Variants in AMPH observed in about 807,000 individuals in gnomAD.
AMPH encodes the protein amphiphysin.
A neutral mutation model predicts 99.1 loss-of-function variants in AMPH; 49 were observed. That is an observed-to-expected ratio of 0.49 (90% CI 0.39 to 0.63). The LOEUF is 0.63. Ranked by LOEUF, AMPH falls within the 20% of genes least tolerant of loss-of-function variation. The probability of loss-of-function intolerance (pLI) is 0.00; values close to 1 mark genes in which losing one functional copy is unlikely to be tolerated. For synonymous variants in AMPH, 314 were observed against 317.3 expected, an observed-to-expected ratio of 0.99 and a Z score of 0.11; for missense variants, 759 against 863.4, an observed-to-expected ratio of 0.88 and a Z score of 1.52.
At chr7:38,605,232 G>A (rs1394678004) in intron 1 of AMPH, among the ~76,000 whole-genome samples, 2 of 152,092 alleles carry the variant, frequency 1.3e-5, no homozygotes. Flanking sequence ...AGGGGACGAG[G>A]GGAACATGGG....
At chr7:38,474,790 A>G (rs970592252) in intron 7 of AMPH, among the ~76,000 whole-genome samples, 4 of 152,200 alleles carry the variant, frequency 2.6e-5, no homozygotes, top group African/African-American at 9.7e-5. Context: ...TTCCACGAGA[A>G]ATGCAGAGTA....
At chr7:38,525,261 T>TAC (rs1344286428) in intron 2 of AMPH, among the ~76,000 whole-genome samples, 1 of 78,336 alleles carries the variant, frequency 1.3e-5, no homozygotes, top group East Asian at 2.9e-4. Context: ...TGTGTGTGTA[T>TAC]ATATATATAT....
intron 11 of AMPH, among the ~76,000 whole-genome samples, chr7:38,449,620 G>T (rs1301736264): frequency 6.6e-6 from 1 of 152,182 alleles, no homozygotes; most frequent in Non-Finnish European, 1.5e-5. Context: ...GGTTACTCCT[G>T]CTCAAGGAAT....
At chr7:38,609,898 T>C (rs991844161) in intron 1 of AMPH, among the ~76,000 whole-genome samples, 1 of 151,930 alleles carries the variant, frequency 6.6e-6, no homozygotes, top group African/African-American at 2.4e-5. Context: ...ACTTACTCTG[T>C]TCAAAAACCA....
chr7:38,553,883 T>A (rs2129046750), intron 1 of AMPH, among the ~76,000 whole-genome samples: 1 of 152,316 alleles, frequency 6.6e-6, no homozygotes, highest in East Asian at 1.9e-4. Context: ...GACAGATCAT[T>A]TCCTGGTTTC....
intron 1 of AMPH, among the ~76,000 whole-genome samples, chr7:38,588,233 G>A (rs371808935): frequency 1.4e-4 from 22 of 152,156 alleles, no homozygotes; most frequent in East Asian, 3.9e-4. Context: ...GATTACAGGC[G>A]TGAGCTACCA....
At chr7:38,428,924 T>C (rs761905728) in intron 14 of AMPH, 3 of 1,008,152 alleles carry the variant, frequency 3.0e-6, no homozygotes, top group Non-Finnish European at 4.1e-6. Context: ...CATTAATTTT[T>C]AAGGTCTTAT....
chr7:38,502,583 T>G (rs899435759), intron 3 of AMPH, among the ~76,000 whole-genome samples: 7 of 152,146 alleles, frequency 4.6e-5, no homozygotes, highest in Admixed American at 2.6e-4. Flanking sequence ...AGGTAGAGGA[T>G]GCTAAGCAAA....
intron 1 of AMPH, among the ~76,000 whole-genome samples, chr7:38,598,743 G>C (rs17499304): frequency 0.3 from 45,914 of 151,916 alleles, 7,591 homozygotes; most frequent in Non-Finnish European, 0.39. Context: ...TCTTAGTTAT[G>C]TTTATTTTAT....
intron 2 of AMPH, among the ~76,000 whole-genome samples, chr7:38,520,535 A>C (rs989528307): frequency 6.6e-6 from 1 of 152,224 alleles, no homozygotes; most frequent in African/African-American, 2.4e-5. Context: ...AAAATGACTA[A>C]ACGTTGAGTC....
intron 11 of AMPH, among the ~76,000 whole-genome samples, chr7:38,447,972 G>C (rs2129001913): frequency 6.6e-6 from 1 of 152,252 alleles, no homozygotes; most frequent in East Asian, 1.9e-4. Context: ...AGGCAAAAGA[G>C]GTAGAGTAGG....
At chr7:38,565,134 A>G (rs1477254336) in intron 1 of AMPH, among the ~76,000 whole-genome samples, 1 of 151,998 alleles carries the variant, frequency 6.6e-6, no homozygotes, top group Non-Finnish European at 1.5e-5. Context: ...AAAAAAAAAA[A>G]AAAAAGAAAA....
chr7:38,459,045 T>A (rs1399373668), intron 11 of AMPH, among the ~76,000 whole-genome samples: 1 of 151,764 alleles, frequency 6.6e-6, no homozygotes, highest in African/African-American at 2.4e-5. Context: ...GTAAAAAAAA[T>A]CAACATACAA....
Position 38,461,428 on chromosome 7 carries a change from A to G in AMPH, c.889-17T>C. The G allele has an allele frequency of 1.2e-6, 2 of 1,613,892 alleles. No individual in the cohort carries two copies. Among genetic ancestry groups the G allele is most frequent in the Non-Finnish European group, 1.7e-6 (2 of 1,179,784 alleles). On this transcript the variant is annotated splice_polypyrimidine_tract_variant and intron_variant, in intron 10 of 20. Coordinates refer to ENST00000356264, the MANE Select transcript of AMPH (RefSeq NM_001635.4). ...TTTCCTTGTCTAGGAAGCATTAAATACAAACATTAATCCAGCCAAAGACAA... is the reference window on the plus strand; with the variant it reads ...TTTCCTTGTCTAGGAAGCATTAAATGCAAACATTAATCCAGCCAAAGACAA...
intron 1 of AMPH, among the ~76,000 whole-genome samples, chr7:38,552,473 G>C (rs1008296376): frequency 1.8e-4 from 27 of 152,148 alleles, no homozygotes; most frequent in Middle Eastern, 3.2e-3. Flanking sequence ...TAAGCAACAT[G>C]AACTAATAAT....
intron 18 of AMPH, among the ~76,000 whole-genome samples, chr7:38,392,918 C>A (rs1030799365): frequency 1.3e-5 from 2 of 152,188 alleles, no homozygotes; most frequent in Non-Finnish European, 2.9e-5. Context: ...CCTCCACAAT[C>A]CACTCCAAGT....
At chr7:38,422,234 T>C (rs977491974) in intron 16 of AMPH, among the ~76,000 whole-genome samples, 187 bp downstream of exon 16, 2 of 152,224 alleles carry the variant, frequency 1.3e-5, no homozygotes, top group African/African-American at 2.4e-5. Flanking sequence ...CCTGTGTGAA[T>C]AGAAATAACC....
In AMPH at chr7:38,389,915, A is replaced by G. The variant is rs1461376316; in HGVS notation, c.1879-10T>C. The G allele has an allele frequency of 5.0e-6, 8 of 1,589,876 alleles. No individual in the cohort carries two copies. The highest frequency in any genetic ancestry group is 3.3e-5 in the Admixed American group (2 of 59,972). Reference sequence around the variant, plus strand: ...CATGCAGTGTTTCCACCTGCAGAAGATAAGAATACATAAAAATCAATTTCC... The same window carrying G: ...CATGCAGTGTTTCCACCTGCAGAAGGTAAGAATACATAAAAATCAATTTCC... On this transcript the variant is annotated splice_polypyrimidine_tract_variant and intron_variant, in intron 19 of 20. Coordinates refer to ENST00000356264, the MANE Select transcript of AMPH (RefSeq NM_001635.4).
At chr7:38,542,953 A>G (rs7799012) in intron 1 of AMPH, among the ~76,000 whole-genome samples, 149,181 of 152,178 alleles carry the variant, frequency 0.98, 73,145 homozygotes, top group East Asian at 1. Flanking sequence ...AATTAGCCAG[A>G]CATGTTGGTG....
Sources: allele counts gnomAD v4.1 joint callset (sites outside exome capture counted in the v4.1 genomes callset), GRCh38; gene constraint gnomAD v4.1.1; transcripts MANE v1.5; gene names NCBI Gene and HGNC (gene_info 2026-07-23, HGNC 2026-07-21).